The following PCDH9 variants were observed in gnomAD, a reference collection of about 807,000 sequenced individuals.
PCDH9 encodes the protein protocadherin-9.
A neutral mutation model predicts 70.6 loss-of-function variants in PCDH9; 24 were observed. That is an observed-to-expected ratio of 0.34 (90% confidence interval 0.25 to 0.48). PCDH9 has a LOEUF of 0.48. Among genes scored for constraint, PCDH9 ranks in the 20% least tolerant of loss-of-function variants. The pLI, the probability that PCDH9 is intolerant of heterozygous loss-of-function variation, is 0.99. For synonymous variants in PCDH9, 562 were observed against 558.5 expected (o/e 1.01, Z -0.09); for missense variants, 1,281 against 1,503.6 (o/e 0.85, Z 2.45).
intron 4 of PCDH9, among the ~76,000 whole-genome samples, chr13:66,581,570 G>C (rs1221177360): frequency 6.6e-6 from 1 of 152,164 alleles, no homozygotes; most frequent in African/African-American, 2.4e-5. Context: ...GCAGACAAAA[G>C]ATGGGTAAAA....
intron 2 of PCDH9, among the ~76,000 whole-genome samples, chr13:67,057,455 T>C (rs1208004480): frequency 4.9e-4 from 74 of 152,092 alleles, no homozygotes; most frequent in Admixed American, 4.8e-3. Flanking sequence ...TTCAATATCA[T>C]TGATTTACTA....
chr13:66,775,070 G>T (rs2079868925), intron 3 of PCDH9, among the ~76,000 whole-genome samples: 1 of 152,100 alleles, frequency 6.6e-6, no homozygotes, highest in South Asian at 2.1e-4. Context: ...AAAAGAAAGT[G>T]CATTTTACCT....
rs117399271 is a variant in PCDH9, at chr13:66,584,531, C to G, written c.3340+46679G>C. ...CCGTGCAATCCTTAAATAAGTGATTCATTTAAGTTTCAGTTACTTCAAGAT... is the reference window on the plus strand; with the variant it reads ...CCGTGCAATCCTTAAATAAGTGATTGATTTAAGTTTCAGTTACTTCAAGAT... On this transcript the variant is annotated intron_variant, in intron 4 of 4. Transcript: ENST00000377865. Among the ~76,000 whole-genome samples, 664 of 152,204 alleles carry G rather than the reference C, an allele frequency of 4.4e-3. 25 individuals are homozygous for G. The East Asian group carries it at 0.086, about 20-fold the overall frequency.
intron 3 of PCDH9, among the ~76,000 whole-genome samples, chr13:66,697,701 G>C (rs1352654686): frequency 6.6e-6 from 1 of 152,072 alleles, no homozygotes; most frequent in Non-Finnish European, 1.5e-5. Context: ...CAATGAAATT[G>C]CCTCTATAGT....
chr13:66,698,364 T>A (rs1389996046), intron 3 of PCDH9, among the ~76,000 whole-genome samples: 1 of 152,220 alleles, frequency 6.6e-6, no homozygotes, highest in Non-Finnish European at 1.5e-5. Context: ...AAATCACACA[T>A]AATTGAGAGC....
rs150753275 is a variant in PCDH9 at position 66,585,093 on chromosome 13, G to A, written c.3340+46117C>T. 4.6e-3 allele frequency among the ~76,000 whole-genome samples: 706 copies of A among 152,138 alleles called. 1 individual carries two copies. The highest frequency in any genetic ancestry group is 0.016 in the African/African-American group (669 of 41,536). ...AGGTATGGGGGTTCATATTCAGAGAGTGCACCAAGAACTACAAAATATTGA... is the reference window on the plus strand; with the variant it reads ...AGGTATGGGGGTTCATATTCAGAGAATGCACCAAGAACTACAAAATATTGA... On this transcript the variant is annotated intron_variant, in intron 4 of 4. Transcript: ENST00000377865.
chr13:66,513,628 G>T (rs1959595062), intron 4 of PCDH9, among the ~76,000 whole-genome samples: 2 of 151,730 alleles, frequency 1.3e-5, no homozygotes, highest in African/African-American at 4.8e-5. Context: ...CTTATCAGGT[G>T]CAGCTGAATA....
chr13:66,551,684 T>G (rs1388231745), intron 4 of PCDH9, among the ~76,000 whole-genome samples: 1 of 152,152 alleles, frequency 6.6e-6, no homozygotes, highest in Non-Finnish European at 1.5e-5. Flanking sequence ...ATTACCAAAT[T>G]GAATTTACCA....
intron 2 of PCDH9, among the ~76,000 whole-genome samples, chr13:67,113,819 T>A (rs2086708034): frequency 6.6e-6 from 1 of 152,168 alleles, no homozygotes; most frequent in African/African-American, 2.4e-5. Flanking sequence ...AGTGCTCGGA[T>A]TACAGGAACC....
intron 4 of PCDH9, among the ~76,000 whole-genome samples, chr13:66,349,801 G>T (rs774350892): frequency 1.3e-5 from 2 of 152,142 alleles, no homozygotes; most frequent in Non-Finnish European, 2.9e-5. Context: ...CGTGAAAGCC[G>T]CATGTCTTAA....
At chr13:67,151,961 G>A (rs1363252167) in intron 2 of PCDH9, among the ~76,000 whole-genome samples, 2 of 151,668 alleles carry the variant, frequency 1.3e-5, no homozygotes, top group African/African-American at 2.4e-5. Flanking sequence ...CTATATGAAT[G>A]AACTAAAAGA....
chr13:67,209,034 C>G (rs950796866), intron 2 of PCDH9: 4 of 152,126 alleles, frequency 2.6e-5, no homozygotes, highest in Admixed American at 1.3e-4. Context: ...TTGGCTACAA[C>G]ATCTGCTCTT....
chr13:66,490,014 G>A (rs923194661), intron 4 of PCDH9, among the ~76,000 whole-genome samples: 3 of 152,092 alleles, frequency 2.0e-5, no homozygotes, highest in Non-Finnish European at 4.4e-5. Context: ...AAGTTCTAGG[G>A]TACATGTGCA....
At chr13:66,988,861 T>C (rs1249617661) in intron 2 of PCDH9, among the ~76,000 whole-genome samples, 1 of 151,966 alleles carries the variant, frequency 6.6e-6, no homozygotes, top group Non-Finnish European at 1.5e-5. Context: ...TCCAGAGCGT[T>C]ATTACTGATT....
intron 2 of PCDH9, among the ~76,000 whole-genome samples, chr13:67,067,604 C>CTT (rs71110627): frequency 2.6e-5 from 4 of 151,374 alleles, no homozygotes; most frequent in East Asian, 3.9e-4. Flanking sequence ...TTTTTAAATA[C>CTT]TTTTTTTAAA....
intron 3 of PCDH9, among the ~76,000 whole-genome samples, chr13:66,779,683 T>C (rs2079957590): frequency 6.6e-6 from 1 of 151,726 alleles, no homozygotes; most frequent in Admixed American, 6.6e-5. Flanking sequence ...TAGCTGGGCG[T>C]AGTGGCATGC....
chr13:66,808,645 T>A (rs2080449014), intron 3 of PCDH9, among the ~76,000 whole-genome samples: 2 of 152,320 alleles, frequency 1.3e-5, no homozygotes, highest in African/African-American at 4.8e-5. Flanking sequence ...ATATTTATAT[T>A]CCTGCTTCCC....
At chr13:66,595,218 TG>T (rs1424299006) in intron 4 of PCDH9, among the ~76,000 whole-genome samples, 10 of 151,524 alleles carry the variant, frequency 6.6e-5, no homozygotes, top group Admixed American at 1.3e-4. Flanking sequence ...CCACTTTCTG[TG>T]GGAAGGTAGG....
intron 4 of PCDH9, among the ~76,000 whole-genome samples, chr13:66,524,402 A>C (rs2138617446): frequency 6.6e-6 from 1 of 152,068 alleles, no homozygotes; most frequent in African/African-American, 2.4e-5. Context: ...TGGAAGACTA[A>C]AATTTTATTC....
Sources: allele counts gnomAD v4.1 joint callset (sites outside exome capture counted in the v4.1 genomes callset), GRCh38; gene constraint gnomAD v4.1.1; transcripts MANE v1.5; gene names NCBI Gene and HGNC (gene_info 2026-07-23, HGNC 2026-07-21).